TEX264: variants seen among roughly 807,000 people sequenced by gnomAD.
TEX264 encodes testis-expressed protein 264.
Under a neutral mutation model 23.4 loss-of-function variants are expected in TEX264, and 13 were observed. That is an observed-to-expected ratio of 0.56 (90% CI 0.36 to 0.88). The LOEUF (loss-of-function observed/expected upper bound fraction) is 0.88. Among genes scored for constraint, TEX264 ranks in the 40% least tolerant of loss-of-function variants. TEX264 has a pLI of 0.01. For synonymous variants in TEX264, 159 were observed against 170.0 expected, an observed-to-expected ratio of 0.94 and a Z score of 0.50; for missense variants, 340 against 406.8, an observed-to-expected ratio of 0.84 and a Z score of 1.41.
intron 3 of TEX264, among the ~76,000 whole-genome samples, chr3:51,695,867 G>A (rs1703036944): frequency 6.6e-6 from 1 of 152,138 alleles, no homozygotes; most frequent in African/African-American, 2.4e-5. Flanking sequence ...GGAAGTGCTG[G>A]TGTCTGGGGT....
intron 1 of TEX264, among the ~76,000 whole-genome samples, chr3:51,673,778 TAGTA>T (rs754325257): frequency 3.3e-5 from 5 of 152,190 alleles, no homozygotes; most frequent in Admixed American, 1.3e-4. Flanking sequence ...TCCCTGTCGT[TAGTA>T]AGTGTTTGGA....
At chr3:51,680,867 A>G (rs1702405946) in intron 2 of TEX264, among the ~76,000 whole-genome samples, 1 of 152,202 alleles carries the variant, frequency 6.6e-6, no homozygotes, top group Non-Finnish European at 1.5e-5. Flanking sequence ...CAGCCTTAGT[A>G]GGCCTTTTCC....
Position 51,703,719 on chromosome 3 carries a change from C to A in TEX264, c.650-5C>A. On this transcript the variant is annotated splice_polypyrimidine_tract_variant and splice_region_variant and intron_variant, in intron 4 of 4. Transcript: ENST00000341333. This position sits in a 1 kb window ranked among gnomAD's most constrained non-coding sequence, Gnocchi z 4.8. ...CTAACCTGTGCTCCCTTTTCCTGGT[C>A]ATAGGAGCTGACACAATGAGTGACA... The A allele has an allele frequency of 6.3e-7, 1 of 1,577,682 alleles. No individual in the cohort carries two copies. Among genetic ancestry groups the A allele is most frequent in the South Asian group, 1.1e-5 (1 of 87,102 alleles).
At chr3:51,700,915 G>A (rs1053596456) in intron 4 of TEX264, among the ~76,000 whole-genome samples, 2 of 152,150 alleles carry the variant, frequency 1.3e-5, no homozygotes, top group Non-Finnish European at 2.9e-5. Context: ...TGCCCACCAG[G>A]TGCATGCCAC....
intron 4 of TEX264, among the ~76,000 whole-genome samples, chr3:51,702,296 C>T (rs1363125260): frequency 1.3e-5 from 2 of 152,184 alleles, no homozygotes; most frequent in African/African-American, 4.8e-5. Flanking sequence ...ACTTAAAGCT[C>T]CCCCAGCTCC....
intron 3 of TEX264, among the ~76,000 whole-genome samples, chr3:51,688,927 G>T (rs1040280802): frequency 6.6e-6 from 1 of 151,976 alleles, no homozygotes; most frequent in African/African-American, 2.4e-5. Context: ...AGGAGTTCCA[G>T]ACCAGCCTGG....
chr3:51,697,944 C>T (rs182315989), intron 3 of TEX264, among the ~76,000 whole-genome samples: 16 of 152,278 alleles, frequency 1.1e-4, no homozygotes, highest in East Asian at 1.9e-4. Flanking sequence ...TTTCCTTCAC[C>T]GACCTTGGAA....
intron 4 of TEX264, among the ~76,000 whole-genome samples, chr3:51,702,352 G>A (rs550173376): frequency 7.2e-5 from 11 of 152,324 alleles, no homozygotes; most frequent in Admixed American, 5.9e-4. Flanking sequence ...CCACACCTGG[G>A]GCCTCAGCAA....
At position 51,684,461 on chromosome 3, in the gene TEX264, G is replaced by C. The variant is rs781613518; in HGVS notation, c.307G>C (p.Gly103Arg). 4 of 1,614,194 alleles carry C rather than the reference G, an allele frequency of 2.5e-6. No individual in the cohort carries two copies. The highest frequency in any genetic ancestry group is 3.4e-6 in the Non-Finnish European group (4 of 1,180,040). Residue 103 changes from glycine (G) to arginine (R), a missense_variant, in exon 3 of 5, where the codon GGT becomes CGT. Coordinates refer to ENST00000341333, the MANE Select transcript of TEX264 (RefSeq NM_015926.6). ...TGCCGTGGGCAGCATCCTGAGTGAAGGTGAGGAATCGCCCTCCCCTGAGCT... is the reference window on the plus strand; with the variant it reads ...TGCCGTGGGCAGCATCCTGAGTGAACGTGAGGAATCGCCCTCCCCTGAGCT... Reference protein sequence around the residue: ...RCAVGSILSEGEESPSPELID... With the variant: ...RCAVGSILSEREESPSPELID...
intron 3 of TEX264, among the ~76,000 whole-genome samples, chr3:51,687,789 A>G (rs1702679951): frequency 6.6e-6 from 1 of 152,026 alleles, no homozygotes; most frequent in Non-Finnish European, 1.5e-5. Context: ...CTGTCCCGGG[A>G]GTTGCAGATG....
Position 51,678,153 on chromosome 3 carries a change from C to T in TEX264, c.258+3591C>T, listed in dbSNP as rs12491394. On this transcript the variant is annotated intron_variant, in intron 2 of 4. Transcript: ENST00000341333. ...AAGGGTCCTGACTAGAAAAACTGCT[C>T]TGCCTTTAGCCCTGCTTCTGCGGTG... Among the ~76,000 whole-genome samples the T allele has an allele frequency of 6.9e-3, 1,052 of 152,320 alleles. 37 individuals are homozygous for T. Among genetic ancestry groups the T allele is most frequent in the Admixed American group, 0.063 (961 of 15,304 alleles).
At chr3:51,699,377 C>A (rs1340675467) in intron 3 of TEX264, 29 bp from the exon 4 acceptor site, 21 of 1,610,282 alleles carry the variant, frequency 1.3e-5, no homozygotes, top group Non-Finnish European at 1.6e-5. Context: ...CTGTAGGGCT[C>A]ATTCTACCTT....
At chr3:51,694,226 A>G (rs933827302) in intron 3 of TEX264, among the ~76,000 whole-genome samples, 1 of 151,470 alleles carries the variant, frequency 6.6e-6, no homozygotes, top group African/African-American at 2.4e-5. Context: ...CATCTCCCGC[A>G]TTCAAGCAAT....
intron 3 of TEX264, 90 bp downstream of exon 3, chr3:51,684,724 T>C (rs1702554458): frequency 4.4e-6 from 6 of 1,363,238 alleles, no homozygotes; most frequent in Non-Finnish European, 5.1e-6. Flanking sequence ...GAGGAAGAAG[T>C]GGTTTTGGGA....
At chr3:51,696,485 G>T (rs1703062279) in intron 3 of TEX264, among the ~76,000 whole-genome samples, 1 of 152,202 alleles carries the variant, frequency 6.6e-6, no homozygotes, top group Non-Finnish European at 1.5e-5. Flanking sequence ...GGACCTGAGA[G>T]CCAGCCCATG....
At chr3:51,680,468 A>G (rs1318151208) in intron 2 of TEX264, among the ~76,000 whole-genome samples, 1 of 152,196 alleles carries the variant, frequency 6.6e-6, no homozygotes, top group Non-Finnish European at 1.5e-5. Context: ...TTCTAAGCAG[A>G]CTGCCCTCTC....
intron 4 of TEX264, among the ~76,000 whole-genome samples, chr3:51,702,047 A>G (rs1172254381): frequency 3.3e-5 from 5 of 152,042 alleles, no homozygotes; most frequent in African/African-American, 1.2e-4. Flanking sequence ...GAACATTCCT[A>G]GCCTAGGAGC....
chr3:51,673,906 T>TG (rs1702138959), intron 1 of TEX264, among the ~76,000 whole-genome samples: 1 of 152,118 alleles, frequency 6.6e-6, no homozygotes, highest in Admixed American at 6.5e-5. Flanking sequence ...AAAGGCAGGC[T>TG]GGCTGGTATC....
chr3:51,678,097 A>G (rs952569643), intron 2 of TEX264, among the ~76,000 whole-genome samples: 1 of 152,192 alleles, frequency 6.6e-6, no homozygotes, highest in Non-Finnish European at 1.5e-5. Context: ...CCTTACACAC[A>G]CTGGTCCATA....
Sources: gnomAD v4.1 joint callset for allele counts (sites outside exome capture counted in the v4.1 genomes callset) on GRCh38, gnomAD v4.1.1 for gene constraint, Gnocchi (gnomAD v3.1) non-coding constraint, MANE v1.5 for transcripts, NCBI Gene and HGNC (gene_info 2026-07-23, HGNC 2026-07-21) for gene names.